Variants in ATXN1 observed in about 807,000 individuals in gnomAD.
ATXN1 encodes the protein ataxin-1.
In ATXN1, 8 loss-of-function variants were observed where a neutral mutation model predicts 56.4. The ratio of observed to expected loss-of-function variants is 0.14; its 90% CI spans 0.08 to 0.26. The LOEUF is 0.26. ATXN1 is among the 10% of genes least tolerant of loss of function. ATXN1 has a pLI of 1.00. For synonymous variants in ATXN1, 514 were observed against 494.6 expected (o/e 1.04, Z -0.52); for missense variants, 987 against 1,106.5 (o/e 0.89, Z 1.53).
chr6:16,487,752 G>C (rs924198789), intron 5 of ATXN1, among the ~76,000 whole-genome samples: 1 of 152,102 alleles, frequency 6.6e-6, no homozygotes, highest in African/African-American at 2.4e-5. Flanking sequence ...AACTGGATAG[G>C]CAATATGAAG....
At chr6:16,487,090 G>A (rs1333982725) in intron 5 of ATXN1, among the ~76,000 whole-genome samples, 2 of 152,088 alleles carry the variant, frequency 1.3e-5, no homozygotes, top group African/African-American at 2.4e-5. Flanking sequence ...CTCCTGGAAC[G>A]ATACTATCAA....
At chr6:16,391,420 G>A (rs9464896) in intron 6 of ATXN1, among the ~76,000 whole-genome samples, 20,880 of 151,950 alleles carry the variant, frequency 0.14, 1,635 homozygotes, top group African/African-American at 0.21. Context: ...AGTCTCTAAT[G>A]GCCCTGGATT....
At chr6:16,724,929 C>T (rs1380687420) in intron 2 of ATXN1, among the ~76,000 whole-genome samples, 1 of 152,172 alleles carries the variant, frequency 6.6e-6, no homozygotes, top group East Asian at 1.9e-4. Flanking sequence ...AGCTCAGTCA[C>T]TATTACCAGC....
chr6:16,358,627 T>C (rs1761741989), intron 6 of ATXN1, among the ~76,000 whole-genome samples: 2 of 152,208 alleles, frequency 1.3e-5, no homozygotes, highest in African/African-American at 4.8e-5. Flanking sequence ...GCATACTCCA[T>C]GGAGCTGGTG....
At chr6:16,738,593 A>G (rs1760219432) in intron 2 of ATXN1, 1 of 152,220 alleles carries the variant, frequency 6.6e-6, no homozygotes, top group Non-Finnish European at 1.5e-5. Flanking sequence ...AAAAACCAGG[A>G]TTTTAAAAAA....
chr6:16,603,681 G>A (rs2113782752), intron 3 of ATXN1, among the ~76,000 whole-genome samples: 1 of 152,312 alleles, frequency 6.6e-6, no homozygotes, highest in South Asian at 2.1e-4. Context: ...GCAGAAAAGA[G>A]CATTACCACA....
At chr6:16,344,779 T>G in intron 6 of ATXN1, among the ~76,000 whole-genome samples, 1 of 152,196 alleles carries the variant, frequency 6.6e-6, no homozygotes, top group East Asian at 1.9e-4. Flanking sequence ...GAGTCAATAT[T>G]CCTTAATAAA....
intron 6 of ATXN1, among the ~76,000 whole-genome samples, chr6:16,439,891 A>G (rs1335563838): frequency 6.6e-6 from 1 of 151,838 alleles, no homozygotes; most frequent in Non-Finnish European, 1.5e-5. Context: ...CCTGGGCAAC[A>G]TGGTGAAACC....
chr6:16,742,617 C>T (rs1279678015), intron 2 of ATXN1, among the ~76,000 whole-genome samples: 1 of 152,168 alleles, frequency 6.6e-6, no homozygotes, highest in African/African-American at 2.4e-5. Context: ...ACACCATCAA[C>T]CACAAATGCA....
rs535251191 is a variant in ATXN1, at chr6:16,326,043, G to C, written c.1917+351C>G. Among the ~76,000 whole-genome samples, 2 of 152,168 alleles carry C rather than the reference G, an allele frequency of 1.3e-5. No homozygotes were observed. The highest frequency in any genetic ancestry group is 1.3e-4 in the Admixed American group (2 of 15,278). On this transcript the variant is annotated intron_variant, in intron 7 of 7. Transcript: ENST00000436367. The surrounding 1 kb of genome is among the most constrained non-coding windows in gnomAD (Gnocchi z 6.6). ...TCTTTTCCTGGTAAGAAAAAGTGCC[G>C]AATGACCACTAGAAGGACCTGAAGT... is the stretch of plus-strand genomic sequence containing the variant.
chr6:16,708,670 C>A (rs1260435963), intron 2 of ATXN1, among the ~76,000 whole-genome samples: 1 of 151,954 alleles, frequency 6.6e-6, no homozygotes, highest in Non-Finnish European at 1.5e-5. Flanking sequence ...ATACATCAAT[C>A]TTAAAAGTGT....
chr6:16,353,665 C>T (rs1168335430), intron 6 of ATXN1, among the ~76,000 whole-genome samples: 1 of 152,140 alleles, frequency 6.6e-6, no homozygotes, highest in East Asian at 1.9e-4. Context: ...CAGAGCAAGA[C>T]CTTGTCTCAA....
intron 2 of ATXN1, among the ~76,000 whole-genome samples, chr6:16,706,773 G>A (rs1759417991): frequency 6.6e-6 from 1 of 150,564 alleles, no homozygotes; most frequent in Non-Finnish European, 1.5e-5. Flanking sequence ...AGAGGGTTAA[G>A]TGCTTTATTC....
Position 16,545,060 on chromosome 6 carries a change from G to A in ATXN1, c.-360-22372C>T, listed in dbSNP as rs545617443. On this transcript the variant is annotated intron_variant, in intron 4 of 7. Transcript: ENST00000436367. The stretch of plus-strand genomic sequence containing the variant: ...TCGCAAGGAAACCATTTTTCTAAGA[G>A]CATGGCAAATACGCATTCCATGTTG... Among the ~76,000 whole-genome samples, 17 of 152,284 alleles carry A rather than the reference G, an allele frequency of 1.1e-4. No individual in the cohort carries two copies. In the South Asian group the frequency reaches 3.3e-3, roughly 30 times the overall value.
At chr6:16,356,376 GC>G (rs1157399545) in intron 6 of ATXN1, among the ~76,000 whole-genome samples, 1 of 152,192 alleles carries the variant, frequency 6.6e-6, no homozygotes, top group Non-Finnish European at 1.5e-5. Context: ...GAGTTTCAAA[GC>G]AAAGAAGAAA....
intron 6 of ATXN1, among the ~76,000 whole-genome samples, chr6:16,371,550 A>G (rs557210081): frequency 9.9e-5 from 15 of 152,146 alleles, no homozygotes; most frequent in African/African-American, 3.6e-4. Flanking sequence ...CTGAATTGAT[A>G]CAAGTGTTTT....
chr6:16,567,919 C>A (rs1762258361), intron 4 of ATXN1, among the ~76,000 whole-genome samples: 1 of 152,124 alleles, frequency 6.6e-6, no homozygotes, highest in South Asian at 2.1e-4. Flanking sequence ...TGCTCAGGAC[C>A]TTTATGTTAA....
chr6:16,717,407 C>G (rs543672452), intron 2 of ATXN1, among the ~76,000 whole-genome samples: 1 of 152,326 alleles, frequency 6.6e-6, no homozygotes, highest in African/African-American at 2.4e-5. Context: ...TAACAGTCAA[C>G]TCATCCCACT....
chr6:16,335,249 C>T (rs1229741011), intron 6 of ATXN1, among the ~76,000 whole-genome samples: 1 of 152,244 alleles, frequency 6.6e-6, no homozygotes, highest in African/African-American at 2.4e-5. Flanking sequence ...CGTGGAGCTT[C>T]ATGGGGCAGG....
Sources: gnomAD v4.1 joint callset for allele counts (sites outside exome capture counted in the v4.1 genomes callset) on GRCh38, gnomAD v4.1.1 for gene constraint, Gnocchi (gnomAD v3.1) non-coding constraint, MANE v1.5 for transcripts, NCBI Gene and HGNC (gene_info 2026-07-23, HGNC 2026-07-21) for gene names.